The following FSTL4 variants were observed in gnomAD, a reference collection of about 807,000 sequenced individuals.
FSTL4 encodes the protein follistatin like 4, also known as follistatin-related protein 4.
In FSTL4, 28 loss-of-function variants were observed where a neutral mutation model predicts 78.2. That is an observed-to-expected ratio of 0.36 (90% CI 0.27 to 0.49). The LOEUF is 0.49. Among genes scored for constraint, FSTL4 ranks in the 20% least tolerant of loss-of-function variants. The probability of loss-of-function intolerance (pLI) is 0.98; values close to 1 mark genes in which losing one functional copy is unlikely to be tolerated. For synonymous variants in FSTL4, 422 were observed against 440.5 expected (o/e 0.96, Z 0.53); for missense variants, 922 against 1,084.9 (o/e 0.85, Z 2.11).
At chr5:133,684,439 C>G in the FSTL4 span, among the ~76,000 whole-genome samples, 13 of 152,230 alleles carry the variant, frequency 8.5e-5, no homozygotes, top group African/African-American at 2.9e-4. Context: ...GCTTCTCTCT[C>G]TCCTGAACCT....
rs533370434 is a variant in FSTL4 at position 133,488,635 on chromosome 5, A to C, written c.160+78551T>G. ...CATGTGTAGGGTAGAAATCATGTTTATCTCTAGATGAGAAATATGCTATTA... is the reference window on the plus strand; with the variant it reads ...CATGTGTAGGGTAGAAATCATGTTTCTCTCTAGATGAGAAATATGCTATTA... On this transcript the variant is annotated intron_variant, in intron 3 of 15. Coordinates refer to ENST00000265342, the MANE Select transcript of FSTL4 (RefSeq NM_015082.2). Among the ~76,000 whole-genome samples the C allele has an allele frequency of 6.4e-4, 97 of 152,350 alleles. 1 individual carries two copies. The highest frequency in any genetic ancestry group is 2.2e-3 in the African/African-American group (92 of 41,582).
At chr5:133,490,935 C>T (rs1377497099) in intron 3 of FSTL4, among the ~76,000 whole-genome samples, 2 of 152,104 alleles carry the variant, frequency 1.3e-5, no homozygotes, top group Non-Finnish European at 2.9e-5. Flanking sequence ...GAACAATAGA[C>T]ACCAGAGCCT....
At chr5:133,362,435 T>C (rs1045535461) in intron 4 of FSTL4, among the ~76,000 whole-genome samples, 2 of 152,218 alleles carry the variant, frequency 1.3e-5, no homozygotes, top group Non-Finnish European at 2.9e-5. Flanking sequence ...AACCAGTGTT[T>C]GAAGATTTGG....
chr5:133,661,250 A>G, the FSTL4 span, among the ~76,000 whole-genome samples: 3 of 152,202 alleles, frequency 2.0e-5, no homozygotes, highest in Non-Finnish European at 4.4e-5. Flanking sequence ...TCAGCCTCCC[A>G]AAGTGCCGGG....
At chr5:133,571,204 C>T (rs1760147245) in intron 2 of FSTL4, among the ~76,000 whole-genome samples, 2 of 152,102 alleles carry the variant, frequency 1.3e-5, no homozygotes, top group Admixed American at 6.5e-5. Context: ...GTCGCCCTGA[C>T]AAATGCAGCA....
At chr5:133,609,810 T>C (rs1761053201) in intron 1 of FSTL4, among the ~76,000 whole-genome samples, 1 of 152,244 alleles carries the variant, frequency 6.6e-6, no homozygotes, top group Admixed American at 6.5e-5. Context: ...CTTCAGCTCA[T>C]ACCTCTTAAG....
chr5:133,325,359 A>T (rs1754183625), intron 4 of FSTL4, among the ~76,000 whole-genome samples: 1 of 152,062 alleles, frequency 6.6e-6, no homozygotes, highest in African/African-American at 2.4e-5. Context: ...GGTGGGGGGA[A>T]TCCCCAGGCC....
the FSTL4 span, among the ~76,000 whole-genome samples, chr5:133,758,809 C>T: frequency 5.3e-5 from 8 of 152,174 alleles, no homozygotes; most frequent in Non-Finnish European, 1.0e-4. Context: ...CATAAGGTTA[C>T]AGTTAAGATG....
chr5:133,544,265 TG>T (rs1759529587), intron 3 of FSTL4, among the ~76,000 whole-genome samples: 1 of 152,224 alleles, frequency 6.6e-6, no homozygotes, highest in Admixed American at 6.5e-5. Context: ...CCATTCTTCC[TG>T]TTGGAAAACA....
chr5:133,412,131 A>G (rs921688423), intron 3 of FSTL4, among the ~76,000 whole-genome samples: 3 of 152,192 alleles, frequency 2.0e-5, no homozygotes, highest in African/African-American at 7.2e-5. Flanking sequence ...CAATCATTTT[A>G]GACTTAGATG....
At chr5:133,677,726 T>G in the FSTL4 span, among the ~76,000 whole-genome samples, 2 of 152,220 alleles carry the variant, frequency 1.3e-5, no homozygotes, top group African/African-American at 2.4e-5. Context: ...ACTCAGGGAC[T>G]TTCGTCAAGT....
chr5:133,809,924 T>A, the FSTL4 span, among the ~76,000 whole-genome samples: 3 of 152,228 alleles, frequency 2.0e-5, no homozygotes, highest in Admixed American at 6.5e-5. Flanking sequence ...TCTGGGAATA[T>A]CATGATGCAC....
the FSTL4 span, among the ~76,000 whole-genome samples, chr5:133,683,549 G>T: frequency 5.8e-4 from 88 of 152,254 alleles, no homozygotes; most frequent in African/African-American, 2.0e-3. Context: ...AAGTCGGCAC[G>T]TTCACAGGCC....
chr5:133,333,327 C>A (rs1754390886), intron 4 of FSTL4, among the ~76,000 whole-genome samples: 1 of 152,218 alleles, frequency 6.6e-6, no homozygotes, highest in Admixed American at 6.5e-5. Flanking sequence ...GGCGATGCAG[C>A]CAGGCCGTTG....
intron 4 of FSTL4, among the ~76,000 whole-genome samples, chr5:133,346,544 G>A (rs1446297798): frequency 6.6e-6 from 1 of 152,144 alleles, no homozygotes; most frequent in Non-Finnish European, 1.5e-5. Flanking sequence ...TGGAAGCTTT[G>A]AGAATCTTCT....
chr5:133,824,282 G>A, the FSTL4 span, among the ~76,000 whole-genome samples: 4 of 152,192 alleles, frequency 2.6e-5, no homozygotes, highest in African/African-American at 9.7e-5. Flanking sequence ...CTATAAATGA[G>A]GGTTCCCACA....
chr5:133,839,226 C>T, the FSTL4 span, among the ~76,000 whole-genome samples: 2 of 152,312 alleles, frequency 1.3e-5, no homozygotes, highest in South Asian at 2.1e-4. Context: ...TGCTGCCCCA[C>T]TCAGACTCAC....
rs1561682901 is a variant in FSTL4, at chr5:133,352,287, TATATATACACACAC to T, written c.410-35649_410-35636del. 6.6e-3 allele frequency among the ~76,000 whole-genome samples: 517 copies of T among 77,958 alleles called. 9 individuals carry two copies. The highest frequency in any genetic ancestry group is 0.033 in the Middle Eastern group (6 of 180). 51.1% of individuals were successfully genotyped at this position (77,958 alleles called of 152,430 possible). ...ATACACACATATATATATACACACA[TATATATACACACAC>T]ATATATATATACACACATATATATA... On this transcript the variant is annotated intron_variant, in intron 4 of 15. Coordinates refer to ENST00000265342, the MANE Select transcript of FSTL4 (RefSeq NM_015082.2).
intron 4 of FSTL4, among the ~76,000 whole-genome samples, chr5:133,333,258 A>T (rs1012542097): frequency 1.3e-5 from 2 of 152,204 alleles, no homozygotes; most frequent in African/African-American, 4.8e-5. Flanking sequence ...CAGGCTCCTC[A>T]TTTATTGATT....
Sources: gnomAD v4.1 joint callset for allele counts (sites outside exome capture counted in the v4.1 genomes callset) on GRCh38, gnomAD v4.1.1 for gene constraint, MANE v1.5 for transcripts, NCBI Gene and HGNC (gene_info 2026-07-23, HGNC 2026-07-21) for gene names.